ERBB4: variants seen among roughly 807,000 people sequenced by gnomAD.
ERBB4 encodes receptor tyrosine-protein kinase erbB-4.
In ERBB4, 42 loss-of-function variants were observed where a neutral mutation model predicts 158.0. The observed-to-expected ratio is 0.27, with a 90% CI of 0.21 to 0.34. The LOEUF is 0.34. Ranked by LOEUF, ERBB4 falls within the 10% of genes least tolerant of loss-of-function variation. ERBB4 has a pLI of 1.00. For synonymous variants in ERBB4, 583 were observed against 558.7 expected (o/e 1.04, Z -0.61); for missense variants, 1,333 against 1,624.1 (o/e 0.82, Z 3.08).
intron 2 of ERBB4, among the ~76,000 whole-genome samples, chr2:212,104,664 C>T (rs1009232765): frequency 1.3e-5 from 2 of 152,044 alleles, no homozygotes; most frequent in Admixed American, 6.6e-5. Context: ...TCAAACCATG[C>T]TTAGACACTG....
intron 2 of ERBB4, among the ~76,000 whole-genome samples, chr2:212,082,444 T>A (rs1480367554): frequency 6.6e-6 from 1 of 152,014 alleles, no homozygotes; most frequent in Non-Finnish European, 1.5e-5. Flanking sequence ...GAAATAAAGA[T>A]GACTATAAAA....
intron 25 of ERBB4, among the ~76,000 whole-genome samples, chr2:211,420,070 T>G (rs2063483324): frequency 6.6e-6 from 1 of 152,188 alleles, no homozygotes; most frequent in South Asian, 2.1e-4. Context: ...TCATAATATC[T>G]TTTTAAGAAA....
At chr2:212,053,648 T>A (rs2077467541) in intron 2 of ERBB4, among the ~76,000 whole-genome samples, 1 of 152,174 alleles carries the variant, frequency 6.6e-6, no homozygotes, top group South Asian at 2.1e-4. Context: ...TTAAAGTGGT[T>A]CACAGGGCAG....
At chr2:211,777,594 G>A (rs2075914278) in intron 4 of ERBB4, 1 of 152,050 alleles carries the variant, frequency 6.6e-6, no homozygotes, top group African/African-American at 2.4e-5. Context: ...CCCCATTACA[G>A]GGTTCCTGCC....
At position 211,383,512 on chromosome 2, in the gene ERBB4, A is replaced by G; in HGVS notation, c.*103T>C. 1.1e-6 allele frequency: 1 copy of G among 934,946 alleles called. No individual in the cohort carries two copies. Among genetic ancestry groups the G allele is most frequent in the East Asian group, 2.4e-5 (1 of 41,000 alleles). The allele number at this position is 934,946 out of a possible 1,614,324, so 57.9% of individuals were successfully genotyped here. A position where few individuals can be genotyped will look rare whatever the true frequency, so the allele number is the denominator to read the frequency against. On this transcript the variant is annotated 3_prime_UTR_variant, in exon 28 of 28. Coordinates refer to ENST00000342788, the MANE Select transcript of ERBB4 (RefSeq NM_005235.3). ...TCTGTATCTTCCACTGGGAAGTGTCAAAACTACTGGCCTTGGGGTAGAAGG... is the reference window on the plus strand; with the variant it reads ...TCTGTATCTTCCACTGGGAAGTGTCGAAACTACTGGCCTTGGGGTAGAAGG...
chr2:211,945,760 A>C (rs2125133461), intron 3 of ERBB4, among the ~76,000 whole-genome samples: 1 of 152,236 alleles, frequency 6.6e-6, no homozygotes, highest in Admixed American at 6.5e-5. Context: ...TACTGGTATT[A>C]AATGTGAAAA....
chr2:211,574,810 T>G (rs1261814200), intron 19 of ERBB4, among the ~76,000 whole-genome samples: 1 of 152,226 alleles, frequency 6.6e-6, no homozygotes, highest in Non-Finnish European at 1.5e-5. Flanking sequence ...TTGGTTCACT[T>G]GTAGCTTTAT....
At position 211,496,871 on chromosome 2, in the gene ERBB4, C is replaced by T. The variant is rs559079464; in HGVS notation, c.2487+65032G>A. 5.3e-5 allele frequency among the ~76,000 whole-genome samples: 8 copies of T among 152,198 alleles called. No individual in the cohort carries two copies. The South Asian group carries it at 1.7e-3, about 32-fold the overall frequency. On this transcript the variant is annotated intron_variant, in intron 20 of 27. Transcript: ENST00000342788. ...TTCTTCATGCCTTTTGTCAAGTATTCTCAGTGATGCCATTACGGCCAGGCA... is the reference window on the plus strand; with the variant it reads ...TTCTTCATGCCTTTTGTCAAGTATTTTCAGTGATGCCATTACGGCCAGGCA...
chr2:212,435,861 G>A (rs2092124924), intron 1 of ERBB4, among the ~76,000 whole-genome samples: 1 of 151,760 alleles, frequency 6.6e-6, no homozygotes, highest in Admixed American at 6.6e-5. Context: ...TTAATACTAT[G>A]TAAATTGACT....
intron 14 of ERBB4, among the ~76,000 whole-genome samples, chr2:211,670,313 C>T (rs2071791171): frequency 6.6e-6 from 1 of 152,236 alleles, no homozygotes; most frequent in South Asian, 2.1e-4. Context: ...CTCAGCCATG[C>T]CAGTTTTTCA....
chr2:211,895,427 T>G (rs986081274), intron 3 of ERBB4, among the ~76,000 whole-genome samples: 1 of 152,054 alleles, frequency 6.6e-6, no homozygotes, highest in Non-Finnish European at 1.5e-5. Context: ...CTGGCTAATT[T>G]TTAAGTTTTT....
intron 1 of ERBB4, among the ~76,000 whole-genome samples, chr2:212,294,183 G>A (rs1167244034): frequency 6.6e-6 from 1 of 151,848 alleles, no homozygotes; most frequent in African/African-American, 2.4e-5. Context: ...ATACAAATAT[G>A]GAACAAATAC....
At position 212,015,039 on chromosome 2, in the gene ERBB4, AAAATATATATATATATATAT is replaced by A. The variant is rs2076479969; in HGVS notation, c.235-67443_235-67424del. On this transcript the variant is annotated intron_variant, in intron 2 of 27. Coordinates refer to ENST00000342788, the MANE Select transcript of ERBB4 (RefSeq NM_005235.3). ...AACCCCGTCTCTACTAAAAAAAAAA[AAAATATATATATATATATAT>A]ATATATATATATATATATATATATA... is the stretch of plus-strand genomic sequence containing the variant. Among the ~76,000 whole-genome samples, 15 of 14,436 alleles carry A rather than the reference AAAATATATATATATATATAT, an allele frequency of 1.0e-3. 2 individuals carry two copies. Among genetic ancestry groups the A allele is most frequent in the African/African-American group, 1.8e-3 (13 of 7,244 alleles). 9.5% of individuals were successfully genotyped at this position (14,436 alleles called of 152,430 possible).
intron 1 of ERBB4, among the ~76,000 whole-genome samples, chr2:212,195,149 A>G (rs2082387169): frequency 6.6e-6 from 1 of 152,006 alleles, no homozygotes; most frequent in Non-Finnish European, 1.5e-5. Context: ...ATAAAGTATT[A>G]TTTCATTGTA....
rs905715604 is a variant in ERBB4, at chr2:212,045,567, T to C, written c.234+79185A>G. On this transcript the variant is annotated intron_variant, in intron 2 of 27. Coordinates refer to ENST00000342788, the MANE Select transcript of ERBB4 (RefSeq NM_005235.3). ...CAAATCCCATTCCCCCATAAAAGCA[T>C]CGTCAGAAGATCCAAGCTACCATTG... 5.9e-5 allele frequency among the ~76,000 whole-genome samples: 9 copies of C among 152,272 alleles called. No individual in the cohort carries two copies. In the East Asian group the frequency reaches 1.7e-3, roughly 29 times the overall value.
intron 2 of ERBB4, among the ~76,000 whole-genome samples, chr2:212,101,350 C>CATATATATATATATACACAT (rs143314380): frequency 6.3e-5 from 9 of 143,100 alleles, no homozygotes; most frequent in Non-Finnish European, 1.1e-4. Flanking sequence ...ACACCCTATA[C>CATATATATATATATACACAT]ATATATATAT....
At chr2:212,150,767 C>G (rs1052810912) in intron 1 of ERBB4, among the ~76,000 whole-genome samples, 8 of 152,168 alleles carry the variant, frequency 5.3e-5, no homozygotes, top group African/African-American at 1.9e-4. Context: ...TGCTTACATT[C>G]ATGCCTAATT....
rs1319590718 is a variant in ERBB4, at chr2:211,565,965, C to T, written c.2302-3877G>A. On this transcript the variant is annotated intron_variant, in intron 19 of 27. Transcript: ENST00000342788. ...TTCAATTATCTCTTCCCTAGCTGCC[C>T]CAGGGAACAAGAAGAGTCACAGAAC... Among the ~76,000 whole-genome samples the T allele has an allele frequency of 2.6e-5, 4 of 152,256 alleles. No individual in the cohort carries two copies. The East Asian group carries it at 7.7e-4, about 29-fold the overall frequency.
intron 3 of ERBB4, among the ~76,000 whole-genome samples, chr2:211,919,494 G>T (rs184839243): frequency 1.2e-3 from 183 of 152,022 alleles, no homozygotes; most frequent in African/African-American, 4.2e-3. Flanking sequence ...TCCAATGAAA[G>T]AATGAATGGA....
Sources: gnomAD v4.1 joint callset for allele counts (sites outside exome capture counted in the v4.1 genomes callset) on GRCh38, gnomAD v4.1.1 for gene constraint, MANE v1.5 for transcripts, NCBI Gene and HGNC (gene_info 2026-07-23, HGNC 2026-07-21) for gene names.